The following SYBU variants were observed in gnomAD, a reference collection of about 807,000 sequenced individuals.
The protein encoded by SYBU is GOLSYN A protein.
Under a neutral mutation model 35.9 loss-of-function variants are expected in SYBU, and 21 were observed. That is an observed-to-expected ratio of 0.58 (90% CI 0.41 to 0.84). SYBU has a LOEUF of 0.84. Ranked by LOEUF, SYBU falls within the 40% of genes least tolerant of loss-of-function variation. The pLI is 0.00. For synonymous variants in SYBU, 319 were observed against 324.3 expected, an observed-to-expected ratio of 0.98 and a Z score of 0.18; for missense variants, 768 against 848.2, an observed-to-expected ratio of 0.91 and a Z score of 1.17.
intron 4 of SYBU, chr8:109,580,247 T>G (rs1822869644): frequency 4.1e-6 from 2 of 485,552 alleles, no homozygotes; most frequent in Non-Finnish European, 7.5e-6. Flanking sequence ...CCATAAAGCT[T>G]TTTTTGGATA....
rs377544005 is a variant in SYBU, at chr8:109,673,150, A to T, written c.-129+7561T>A. ...CCTGCCTGCTGGCTCTGAAGAGAGCAATGGATCTCCCAGCACAGCACTCGA... is the reference window on the plus strand; with the variant it reads ...CCTGCCTGCTGGCTCTGAAGAGAGCTATGGATCTCCCAGCACAGCACTCGA... On this transcript the variant is annotated intron_variant, in intron 1 of 5. Transcript: ENST00000408889. 1.2e-4 allele frequency among the ~76,000 whole-genome samples: 18 copies of T among 152,314 alleles called. No individual in the cohort carries two copies. The East Asian group carries it at 2.7e-3, about 23-fold the overall frequency.
At chr8:109,641,652 G>T (rs138028257) in intron 2 of SYBU, among the ~76,000 whole-genome samples, 58 of 152,308 alleles carry the variant, frequency 3.8e-4, no homozygotes, top group Middle Eastern at 3.4e-3. Flanking sequence ...ATTAGGAATT[G>T]CTTTATCTTT....
At chr8:109,673,126 C>G (rs540363229) in intron 1 of SYBU, among the ~76,000 whole-genome samples, 2 of 152,332 alleles carry the variant, frequency 1.3e-5, no homozygotes, top group Admixed American at 6.5e-5. Flanking sequence ...TTAAACGTTC[C>G]TGCCTGCTGG....
intron 1 of SYBU, among the ~76,000 whole-genome samples, chr8:109,670,997 C>A (rs1373407819): frequency 1.3e-5 from 2 of 152,010 alleles, no homozygotes; most frequent in Admixed American, 6.6e-5. Context: ...AAAATTGGTT[C>A]TTTTTAAAAG....
intron 1 of SYBU, among the ~76,000 whole-genome samples, chr8:109,674,199 C>G (rs183864441): frequency 1.5e-4 from 22 of 150,522 alleles, no homozygotes; most frequent in Admixed American, 1.5e-3. Flanking sequence ...AGATACTCCT[C>G]GAGAAGAGCA....
intron 2 of SYBU, among the ~76,000 whole-genome samples, chr8:109,628,915 T>C (rs189464468): frequency 2.5e-4 from 38 of 152,216 alleles, no homozygotes; most frequent in Admixed American, 2.4e-3. Flanking sequence ...TCATTAGATA[T>C]ATTGTCATAG....
intron 4 of SYBU, chr8:109,580,657 C>G (rs1822922147): frequency 6.5e-6 from 1 of 152,788 alleles, no homozygotes; most frequent in Non-Finnish European, 1.5e-5. Flanking sequence ...CTTGCTCCCT[C>G]CAGTAGAAGG....
intron 5 of SYBU, 53 bp downstream of exon 5, chr8:109,579,746 A>G: frequency 1.3e-6 from 2 of 1,510,448 alleles, no homozygotes; most frequent in South Asian, 1.2e-5. Context: ...TTTAAAGAAA[A>G]GCTTACCAAG....
intron 2 of SYBU, among the ~76,000 whole-genome samples, chr8:109,639,979 G>A (rs947331263): frequency 1.3e-5 from 2 of 152,152 alleles, no homozygotes; most frequent in African/African-American, 4.8e-5. Context: ...GAGTTCTGTA[G>A]GAAAGGAAGA....
At chr8:109,634,693 T>C (rs1229161095) in intron 2 of SYBU, among the ~76,000 whole-genome samples, 1 of 152,158 alleles carries the variant, frequency 6.6e-6, no homozygotes, top group Non-Finnish European at 1.5e-5. Flanking sequence ...ATCCCAGCAC[T>C]TTGGGAGGCC....
chr8:109,603,633 T>C (rs1231061172), intron 3 of SYBU, among the ~76,000 whole-genome samples: 1 of 152,054 alleles, frequency 6.6e-6, no homozygotes, highest in Non-Finnish European at 1.5e-5. Context: ...AAGCAGAGTA[T>C]TACGAAAAAT....
intron 2 of SYBU, among the ~76,000 whole-genome samples, chr8:109,637,460 C>T (rs1398143475): frequency 6.6e-6 from 1 of 152,136 alleles, no homozygotes. Context: ...TGCCTATATG[C>T]CTTTCGTTTA....
intron 3 of SYBU, chr8:109,603,387 C>T: frequency 1.0e-6 from 1 of 985,046 alleles, no homozygotes; most frequent in Non-Finnish European, 1.2e-6. Flanking sequence ...ACAAATTATG[C>T]TCTGCATTTC....
At chr8:109,621,854 A>G (rs919038620) in intron 2 of SYBU, among the ~76,000 whole-genome samples, 15 of 152,196 alleles carry the variant, frequency 9.9e-5, no homozygotes, top group Admixed American at 2.6e-4. Context: ...GAATTTTCCT[A>G]CTACAGAGGG....
chr8:109,651,880 A>T (rs149429538), intron 1 of SYBU, among the ~76,000 whole-genome samples: 167 of 152,314 alleles, frequency 1.1e-3, no homozygotes, highest in African/African-American at 3.7e-3. Context: ...GACTTATGGC[A>T]TATAAAGGAG....
rs185512472 is a variant in SYBU, at chr8:109,616,081, G to A, written c.427+2761C>T. On this transcript the variant is annotated intron_variant, in intron 3 of 6. Transcript: ENST00000276646. ...GGCTGGAGTGCAGTGGCATGATCTC[G>A]GCTCATTGCAACCTCCGCCTCCAGG... 8.6e-3 allele frequency among the ~76,000 whole-genome samples: 1,164 copies of A among 136,012 alleles called. 11 individuals carry two copies. The highest frequency in any genetic ancestry group is 0.032 in the African/African-American group (1,105 of 34,744). The allele number at this position is 136,012 out of a possible 152,430, so 89.2% of individuals were successfully genotyped here.
intron 1 of SYBU, among the ~76,000 whole-genome samples, chr8:109,687,574 T>C (rs1191101600): frequency 6.6e-6 from 1 of 152,094 alleles, no homozygotes; most frequent in Non-Finnish European, 1.5e-5. Context: ...TGAAATGAAA[T>C]ATTGGGCAAT....
chr8:109,575,476 G>C lies in SYBU; in HGVS notation c.1422C>G (p.Val474=), dbSNP rs1822151735. 1 of 1,614,004 alleles carries C rather than the reference G, an allele frequency of 6.2e-7. No homozygotes were observed. The change falls in exon 7 of 7, where the codon GTC becomes GTG. Residue 474 remains valine, a synonymous_variant. Transcript: ENST00000276646. ...CCACACTGCCCTCCTCCTGACCCAT[G>C]ACTATGGGCAGCAGCTCCAGGACGT... ...GANVLELLPI[V]MGQEEGSVVV...
intron 1 of SYBU, among the ~76,000 whole-genome samples, chr8:109,674,879 C>A (rs868357685): frequency 6.6e-6 from 1 of 152,082 alleles, no homozygotes; most frequent in Non-Finnish European, 1.5e-5. Context: ...CTAATATAGA[C>A]CATGTAATTG....
Sources: allele counts gnomAD v4.1 joint callset (sites outside exome capture counted in the v4.1 genomes callset), GRCh38; gene constraint gnomAD v4.1.1; transcripts MANE v1.5; gene names NCBI Gene and HGNC (gene_info 2026-07-23, HGNC 2026-07-21).